The following PDK3 variants were observed in gnomAD, a reference collection of about 807,000 sequenced individuals.
The protein encoded by PDK3 is pyruvate dehydrogenase kinase 3.
A neutral mutation model predicts 32.0 loss-of-function variants in PDK3; 12 were observed. The observed-to-expected ratio is 0.37, with a 90% confidence interval of 0.24 to 0.61. PDK3 has a LOEUF of 0.61. PDK3 is among the 20% of genes least tolerant of loss of function. PDK3 has a pLI of 0.65. For synonymous variants in PDK3, 122 were observed against 116.3 expected (o/e 1.05, Z -0.31); for missense variants, 188 against 316.9 (o/e 0.59, Z 3.09).
chrX:24,480,462 C>T (rs1358970050), intron 1 of PDK3, among the ~76,000 whole-genome samples: 3 of 111,994 alleles, frequency 2.7e-5, no homozygotes, highest in East Asian at 2.8e-4. Flanking sequence ...GTCTGGGGAG[C>T]GCCTGAAATG....
chrX:24,518,864 C>G (rs1182078954), intron 5 of PDK3, 69 bp from the exon 6 acceptor site: 1 of 619,557 alleles, frequency 1.6e-6, no homozygotes, highest in Non-Finnish European at 2.6e-6. Flanking sequence ...CACACACACA[C>G]ACACACACAC....
chrX:24,485,280 G>A (rs985722502), intron 1 of PDK3, among the ~76,000 whole-genome samples: 14 of 112,275 alleles, frequency 1.2e-4, no homozygotes, highest in African/African-American at 3.2e-4. Flanking sequence ...CCTGGGAGGC[G>A]GAGGTTGCAG....
At chrX:24,504,849 G>T (rs1201777083) in intron 4 of PDK3, among the ~76,000 whole-genome samples, 1 of 111,860 alleles carries the variant, frequency 8.9e-6, no homozygotes, top group African/African-American at 3.3e-5. Context: ...ATGAAAGTTG[G>T]AGTTTGTGTC....
intron 1 of PDK3, among the ~76,000 whole-genome samples, chrX:24,487,676 T>C (rs999936232): frequency 3.6e-5 from 4 of 110,548 alleles, no homozygotes; most frequent in Non-Finnish European, 7.6e-5. Context: ...ATCATTCTGT[T>C]GGGGTTTTTT....
chrX:24,497,217 C>T (rs1443682230), intron 2 of PDK3, among the ~76,000 whole-genome samples: 1 of 111,553 alleles, frequency 9.0e-6, no homozygotes, highest in African/African-American at 3.3e-5. Flanking sequence ...GACCTCTTGG[C>T]GTTTTGACCC....
Position 24,516,041 on chromosome X carries a change from T to C in PDK3, c.596-2892T>C, listed in dbSNP as rs193198196. Among the ~76,000 whole-genome samples the C allele has an allele frequency of 3.7e-3, 416 of 111,792 alleles. 3 individuals are homozygous for C. The highest frequency in any genetic ancestry group is 0.013 in the African/African-American group (394 of 30,759). ...GTCAAATAATAGATAATTAATTTGG[T>C]AGCAATATGAAGTCAATGAACTAAA... On this transcript the variant is annotated intron_variant, in intron 5 of 10. Coordinates refer to ENST00000379162, the MANE Select transcript of PDK3 (RefSeq NM_005391.5).
At chrX:24,535,281 G>C (rs927951216), downstream of PDK3, among the ~76,000 whole-genome samples, 3 of 111,757 alleles carry the variant, frequency 2.7e-5, no homozygotes, top group African/African-American at 9.8e-5. Context: ...GAGGTGGGTG[G>C]ATCACTTGAA....
At chrX:24,472,482 C>T (rs1006344693) in intron 1 of PDK3, among the ~76,000 whole-genome samples, 2 of 111,111 alleles carry the variant, frequency 1.8e-5, no homozygotes, top group African/African-American at 6.5e-5. Context: ...ATAAAATACA[C>T]ACTGGATTTC....
intron 3 of PDK3, among the ~76,000 whole-genome samples, chrX:24,501,721 T>C (rs892101842): frequency 1.8e-5 from 2 of 112,156 alleles, no homozygotes; most frequent in Non-Finnish European, 3.8e-5. Context: ...CATAAATAAA[T>C]AAACAAACAA....
intron 1 of PDK3, among the ~76,000 whole-genome samples, chrX:24,477,169 C>G (rs761456303): frequency 3.6e-5 from 4 of 111,767 alleles, no homozygotes; most frequent in Non-Finnish European, 7.5e-5. Context: ...TTAATTTATC[C>G]AGGGCTGTCA....
exon 12 of PDK3, chrX:24,545,367 G>A (rs1922975524): frequency 8.9e-6 from 1 of 112,134 alleles, no homozygotes; most frequent in East Asian, 2.8e-4. Context: ...CACATGGTTT[G>A]GAGACCTGGA....
chrX:24,466,164 TGG>T (rs1940062620), intron 1 of PDK3, among the ~76,000 whole-genome samples: 2 of 110,764 alleles, frequency 1.8e-5, no homozygotes, highest in African/African-American at 3.3e-5. Context: ...AATACAACTC[TGG>T]CTTTAGTGCC....
chrX:24,492,651 A>G (rs1404006029), intron 1 of PDK3, among the ~76,000 whole-genome samples: 2 of 111,135 alleles, frequency 1.8e-5, no homozygotes, highest in African/African-American at 3.3e-5. Flanking sequence ...AACAATCAAA[A>G]AATCATAAGT....
intron 6 of PDK3, among the ~76,000 whole-genome samples, chrX:24,521,292 A>C (rs1218319175): frequency 9.2e-6 from 1 of 108,497 alleles, no homozygotes; most frequent in Non-Finnish European, 1.9e-5. Flanking sequence ...AAAAAAAAAA[A>C]AAAAAAAGAT....
exon 12 of PDK3, among the ~76,000 whole-genome samples, chrX:24,540,131 T>C (rs1774581781): frequency 1.8e-5 from 2 of 112,224 alleles, no homozygotes; most frequent in Non-Finnish European, 3.8e-5. Context: ...TCATCTTAGT[T>C]TTAGAATTGT....
At chrX:24,493,638 C>T (rs1305930838) in intron 1 of PDK3, among the ~76,000 whole-genome samples, 1 of 111,875 alleles carries the variant, frequency 8.9e-6, no homozygotes, top group Non-Finnish European at 1.9e-5. Context: ...CTCAATACCA[C>T]GGAGACCGGA....
intron 1 of PDK3, among the ~76,000 whole-genome samples, chrX:24,472,647 T>A (rs1921003025): frequency 1.8e-5 from 2 of 108,695 alleles, no homozygotes; most frequent in Non-Finnish European, 3.8e-5. Context: ...TTTTAAATTA[T>A]ATATATGGCT....
At chrX:24,509,072 T>C (rs757483740) in intron 5 of PDK3, among the ~76,000 whole-genome samples, 84 of 112,176 alleles carry the variant, frequency 7.5e-4, no homozygotes, top group South Asian at 7.1e-3. Flanking sequence ...ATTATTCTTA[T>C]ACGCTTTTGC....
chrX:24,510,617 T>C, intron 5 of PDK3, among the ~76,000 whole-genome samples: 1 of 112,203 alleles, frequency 8.9e-6, no homozygotes, highest in Non-Finnish European at 1.9e-5. Flanking sequence ...TTTCTCTATC[T>C]CCAGCACTAA....
Sources: allele counts gnomAD v4.1 joint callset (sites outside exome capture counted in the v4.1 genomes callset), GRCh38; gene constraint gnomAD v4.1.1; transcripts MANE v1.5; gene names NCBI Gene and HGNC (gene_info 2026-07-23, HGNC 2026-07-21).